Variants in NEB observed in about 807,000 individuals in gnomAD.
NEB encodes nemaline myopathy type 2.
A neutral mutation model predicts 952.2 loss-of-function variants in NEB; 512 were observed. The ratio of observed to expected loss-of-function variants is 0.54; its 90% CI spans 0.50 to 0.58. The LOEUF (loss-of-function observed/expected upper bound fraction) is 0.58, where lower values mean the gene tolerates loss of function less well. Among genes scored for constraint, NEB ranks in the 20% least tolerant of loss-of-function variants. The pLI, the probability that NEB is intolerant of heterozygous loss-of-function variation, is 0.00. For missense variants in NEB, 8,428 were observed against 9,231.1 expected, an observed-to-expected ratio of 0.91 and a Z score of 3.56; for synonymous variants, 2,900 against 3,149.8, an observed-to-expected ratio of 0.92 and a Z score of 2.66.
intron 45 of NEB, among the ~76,000 whole-genome samples, chr2:151,662,746 C>A (rs374797073): frequency 6.6e-6 from 1 of 152,092 alleles, no homozygotes; most frequent in South Asian, 2.1e-4. Context: ...CTATGGAAAC[C>A]CCATTTTTCT....
At position 151,664,854 on chromosome 2, in the gene NEB, TG is replaced by T. The variant is rs1380412146; in HGVS notation, c.5247del (p.Tyr1749Ter). On this transcript the variant is annotated frameshift_variant, in exon 43 of 182. Coordinates refer to ENST00000397345, the MANE Select transcript of NEB (RefSeq NM_001164508.2). LOFTEE classifies it high-confidence loss of function. ...GTCTTGTCCTTGTTCCATTTTTCAG[TG>T]TAGAGCCTCTGCAATGAGAAAGTCA... ...SNKLNMDKRLYTEKWNKDKTT... is the reference protein window; with the variant it reads ...SNKLNMDKRLXTEKWNKDKTT... 6.2e-7 allele frequency: 1 copy of T among 1,609,198 alleles called. No homozygotes were observed. Among genetic ancestry groups the T allele is most frequent in the Non-Finnish European group, 8.5e-7 (1 of 1,176,904 alleles).
chr2:151,514,564 G>C (rs1011773834), intron 158 of NEB, 136 bp from the exon 159 acceptor site: 3 of 715,312 alleles, frequency 4.2e-6, no homozygotes, highest in Non-Finnish European at 7.3e-6. Context: ...ATACAGGCAG[G>C]GTATAAGCAT....
chr2:151,676,683 C>T (rs968367341), intron 34 of NEB, among the ~76,000 whole-genome samples: 2 of 152,118 alleles, frequency 1.3e-5, no homozygotes, highest in African/African-American at 4.8e-5. Flanking sequence ...GCTCACTTCT[C>T]TCACTTGCCT....
intron 10 of NEB, among the ~76,000 whole-genome samples, chr2:151,716,396 C>T (rs1438014161): frequency 6.6e-6 from 1 of 152,138 alleles, no homozygotes; most frequent in Non-Finnish European, 1.5e-5. Context: ...CTTGGCCTCC[C>T]AAAGTGCTGG....
Position 151,692,251 on chromosome 2 carries a change from C to T in NEB, c.1998+10G>A. ...CCTCCTACCCGAAAGGTAACCGTGG[C>T]TTTTCGAACCTCACTGAAGTTCTTC... On this transcript the variant is annotated intron_variant, in intron 21 of 181. Coordinates refer to ENST00000397345, the MANE Select transcript of NEB (RefSeq NM_001164508.2). 1 of 1,613,150 alleles carries T rather than the reference C, an allele frequency of 6.2e-7. No homozygotes were observed. Among genetic ancestry groups the T allele is most frequent in the Non-Finnish European group, 8.5e-7 (1 of 1,179,180 alleles).
chr2:151,655,896 G>A lies in NEB; in HGVS notation c.6623C>T (p.Pro2208Leu), dbSNP rs766175179. 43 of 1,613,730 alleles carry A rather than the reference G, an allele frequency of 2.7e-5. No homozygotes were observed. In the South Asian group the frequency reaches 3.1e-4, roughly 12 times the overall value. ...CAGCTTCTTAAACTGGAAGTTGCTC[G>A]GGTGCTGGCGGTATTTCTGATCACT... Reference protein sequence around the residue: ...YASDQKYRQHPSNFQFKKLTD... With the variant: ...YASDQKYRQHLSNFQFKKLTD... The change falls in exon 50 of 182, where the codon CCG becomes CTG. Residue 2208 changes from proline to leucine, a missense_variant. Pro to Leu is a moderately conservative substitution (Grantham distance 98). Coordinates refer to ENST00000397345, the MANE Select transcript of NEB (RefSeq NM_001164508.2).
In NEB at chr2:151,621,001, T is replaced by C; in HGVS notation, c.10478A>G (p.Glu3493Gly). ...CAAGTCATAGCCTTCTTTCTTGGCTTCTTCCATGGCCTGACGATAGAGGCT... is the reference window on the plus strand; with the variant it reads ...CAAGTCATAGCCTTCTTTCTTGGCTCCTTCCATGGCCTGACGATAGAGGCT... ...SESLYRQAMEEAKKEGYDLRS... is the reference protein window; with the variant it reads ...SESLYRQAMEGAKKEGYDLRS... The change falls in exon 72 of 182, where the codon GAA (glutamate) becomes GGA (glycine). Residue 3493 changes from glutamate to glycine, a missense_variant. Around this residue, in one of 11 missense-constraint regions of NEB, gnomAD observed 1,772 missense variants for 1,960.3 expected, o/e 0.90. Transcript: ENST00000397345. The C allele has an allele frequency of 6.2e-7, 1 of 1,611,802 alleles. No homozygotes were observed. The highest frequency in any genetic ancestry group is 8.5e-7 in the Non-Finnish European group (1 of 1,178,926).
chr2:151,502,141 T>G (rs1253471335), intron 167 of NEB, among the ~76,000 whole-genome samples: 1 of 152,160 alleles, frequency 6.6e-6, no homozygotes, highest in Non-Finnish European at 1.5e-5. Context: ...ACATTGTATG[T>G]TCTCACTGAT....
At position 151,665,277 on chromosome 2, in the gene NEB, C is replaced by G. The variant is rs1157420921; in HGVS notation, c.5238+56G>C. The G allele has an allele frequency of 2.0e-6, 3 of 1,531,418 alleles. No homozygotes were observed. The East Asian group carries it at 6.8e-5, about 35-fold the overall frequency. The allele number at this position is 1,531,418 out of a possible 1,614,324, so 94.9% of individuals were successfully genotyped here. ...GAGACGATTGGGGCACTGCCAGGCT[C>G]AATGTCATGAACACCATGAGGGTTC... On this transcript the variant is annotated intron_variant, in intron 42 of 181. Transcript: ENST00000397345.
intron 11 of NEB, 43 bp downstream of exon 11, chr2:151,710,391 C>T: frequency 1.4e-6 from 2 of 1,381,568 alleles, no homozygotes; most frequent in Non-Finnish European, 1.0e-6. Context: ...GGAAAGGGGT[C>T]TCCCTCCCAG....
At chr2:151,633,577 G>C (rs2098707925) in intron 65 of NEB, 77 bp downstream of exon 65, 3 of 1,499,734 alleles carry the variant, frequency 2.0e-6, no homozygotes, top group Non-Finnish European at 2.7e-6. Flanking sequence ...TTGAGTAATG[G>C]ATTGTATATA....
At chr2:151,631,823 A>C (rs1028855916) in intron 65 of NEB, among the ~76,000 whole-genome samples, 5 of 152,242 alleles carry the variant, frequency 3.3e-5, no homozygotes, top group African/African-American at 9.6e-5. Context: ...ACATAAAACA[A>C]TGTGGGTAGA....
Position 151,633,879 on chromosome 2 carries a change from G to C in NEB, c.9189C>G (p.Ser3063=). ...NIEDDPKMMW[S]MHVAKIQSDR... ...CACTCTGGATCTTGGCTACGTGCAT[G>C]GACCACATCATCTTGGGGTCATCTT... The change falls in exon 65 of 182, where the codon TCC becomes TCG. Residue 3063 remains serine, a synonymous_variant. Coordinates refer to ENST00000397345, the MANE Select transcript of NEB (RefSeq NM_001164508.2). The C allele has an allele frequency of 6.2e-7, 1 of 1,613,990 alleles. No individual in the cohort carries two copies.
chr2:151,629,575 G>A lies in NEB; in HGVS notation c.9795C>T (p.Ile3265=), dbSNP rs767234865. The part of the protein sequence containing the change: ...GYDLRSDAIP[I]VAAKASRDVI... Reference sequence around the variant, plus strand: ...CGTCCCTGGAGGCCTTGGCAGCCACGATGGGGATGGCGTCACTTCGCAAGT... The same window carrying A: ...CGTCCCTGGAGGCCTTGGCAGCCACAATGGGGATGGCGTCACTTCGCAAGT... The change falls in exon 68 of 182, where the codon ATC becomes ATT. Residue 3265 remains isoleucine, a synonymous_variant. Transcript: ENST00000397345. 14 of 1,613,668 alleles carry A rather than the reference G, an allele frequency of 8.7e-6. No homozygotes were observed. Among genetic ancestry groups the A allele is most frequent in the East Asian group, 2.2e-5 (1 of 44,882 alleles).
intron 72 of NEB, 113 bp from the exon 73 acceptor site, chr2:151,619,875 G>A: frequency 6.2e-6 from 7 of 1,121,166 alleles, no homozygotes; most frequent in Non-Finnish European, 8.8e-6. Context: ...AGTTTCACTG[G>A]TCATGCTGCT....
intron 105 of NEB, 107 bp downstream of exon 105, chr2:151,579,231 T>TAATA (rs956665185): frequency 1.3e-6 from 1 of 741,486 alleles, no homozygotes; most frequent in African/African-American, 1.7e-5. Flanking sequence ...TCTGATAAAA[T>TAATA]AATAATAAAG....
chr2:151,634,980 C>T lies in NEB; in HGVS notation c.9103-1015G>A, dbSNP rs545911622. Among the ~76,000 whole-genome samples, 112 of 152,210 alleles carry T rather than the reference C, an allele frequency of 7.4e-4. 1 individual carries two copies. Among genetic ancestry groups the T allele is most frequent in the African/African-American group, 2.6e-3 (109 of 41,540 alleles). ...TGCTTCTAGTCTCAAAGACAACTGACCGAGAAAGTGTAGGTGAGTCAGCAA... is the reference window on the plus strand; with the variant it reads ...TGCTTCTAGTCTCAAAGACAACTGATCGAGAAAGTGTAGGTGAGTCAGCAA... On this transcript the variant is annotated intron_variant, in intron 64 of 181. Transcript: ENST00000397345.
Position 151,553,831 on chromosome 2 carries a change from G to A in NEB, c.19623C>T (p.Ser6541=), listed in dbSNP as rs2095477737. The change falls in exon 126 of 182, where the codon AGC becomes AGT. Residue 6541 remains serine, a synonymous_variant. Transcript: ENST00000397345. ...ACTTCTTAAGTCACAGGCTTACATC[G>A]CTGATCTGATCTGTGACTTTCCTGA... ...DHVRKVTDQI[S]DIVYKDDLNW... 7 of 1,609,598 alleles carry A rather than the reference G, an allele frequency of 4.3e-6. No individual in the cohort carries two copies. Among genetic ancestry groups the A allele is most frequent in the South Asian group, 1.1e-5 (1 of 90,318 alleles).
At chr2:151,710,648 C>T (rs1045073366) in intron 10 of NEB, 110 bp from the exon 11 acceptor site, 47 of 636,080 alleles carry the variant, frequency 7.4e-5, no homozygotes, top group Non-Finnish European at 1.0e-4. Context: ...GCAAGCCATT[C>T]TTAGGTCCTT....
Sources: gnomAD v4.1 joint callset for allele counts (sites outside exome capture counted in the v4.1 genomes callset) on GRCh38, gnomAD v4.1.1 for gene constraint, gnomAD v4.1.1 regional missense constraint, MANE v1.5 for transcripts, NCBI Gene and HGNC (gene_info 2026-07-23, HGNC 2026-07-21) for gene names.